SRPK2: variants seen among roughly 807,000 people sequenced by gnomAD.
SRPK2 encodes the protein SFRS protein kinase 2.
In SRPK2, 21 loss-of-function variants were observed where a neutral mutation model predicts 90.8. That is an observed-to-expected ratio of 0.23 (90% CI 0.16 to 0.33). The LOEUF is 0.33. SRPK2 is among the 10% of genes least tolerant of loss of function. The pLI is 1.00. For synonymous variants in SRPK2, 288 were observed against 311.1 expected (o/e 0.93, Z 0.78); for missense variants, 620 against 869.0 (o/e 0.71, Z 3.60).
At chr7:105,272,315 C>G (rs1238995744) in intron 2 of SRPK2, among the ~76,000 whole-genome samples, 1 of 152,200 alleles carries the variant, frequency 6.6e-6, no homozygotes, top group Non-Finnish European at 1.5e-5. Flanking sequence ...TACATCTCAG[C>G]CTTTAATCAA....
At position 105,128,165 on chromosome 7, in the gene SRPK2, C is replaced by T. The variant is rs4613927; in HGVS notation, c.1753-1103G>A. ...TCAGCCCAGGACCACATCTTTTCAC[C>T]TTTTTTAAAAAAAAAGACTGCCTGT... is the stretch of plus-strand genomic sequence containing the variant. On this transcript the variant is annotated intron_variant, in intron 13 of 15. Coordinates refer to ENST00000393651, the MANE Select transcript of SRPK2 (RefSeq NM_182692.3). Among the ~76,000 whole-genome samples, 96 of 152,122 alleles carry T rather than the reference C, an allele frequency of 6.3e-4. No individual in the cohort carries two copies. The Middle Eastern group carries it at 0.01, about 16-fold the overall frequency.
chr7:105,296,622 G>T (rs1809849808), intron 2 of SRPK2, among the ~76,000 whole-genome samples: 1 of 152,206 alleles, frequency 6.6e-6, no homozygotes, highest in Non-Finnish European at 1.5e-5. Flanking sequence ...GGCTTTACAA[G>T]AACTAAGGAA....
At position 105,365,660 on chromosome 7, in the gene SRPK2, G is replaced by A. The variant is rs144261393; in HGVS notation, c.71+22988C>T. ...AAAATGATTTAAAAATTAGCTGGGC[G>A]TGGTGGCGTGTACCTGCAGTCTCAG... is the stretch of plus-strand genomic sequence containing the variant. On this transcript the variant is annotated intron_variant, in intron 2 of 15. Coordinates refer to ENST00000393651, the MANE Select transcript of SRPK2 (RefSeq NM_182692.3). 1.7e-3 allele frequency among the ~76,000 whole-genome samples: 259 copies of A among 151,640 alleles called. 1 individual carries two copies. In the East Asian group the frequency reaches 0.019, roughly 11 times the overall value.
At position 105,180,554 on chromosome 7, in the gene SRPK2, G is replaced by A. The variant is rs141185336; in HGVS notation, c.230-11289C>T. 6.8e-3 allele frequency among the ~76,000 whole-genome samples: 1,029 copies of A among 152,244 alleles called. 14 individuals are homozygous for A. Among genetic ancestry groups the A allele is most frequent in the African/African-American group, 0.023 (966 of 41,550 alleles). On this transcript the variant is annotated intron_variant, in intron 3 of 15. Coordinates refer to ENST00000393651, the MANE Select transcript of SRPK2 (RefSeq NM_182692.3). ...GCAGATCACTTGAGGTTGGGAGTTC[G>A]AGACCAGTCTGGCCAACATGGTGAA...
intron 2 of SRPK2, among the ~76,000 whole-genome samples, chr7:105,376,380 G>A (rs549104114): frequency 3.3e-5 from 5 of 151,418 alleles, no homozygotes; most frequent in South Asian, 2.1e-4. Flanking sequence ...GTTGTAGTCC[G>A]TCTACCCTCA....
chr7:105,158,546 CCT>C (rs1806911260), intron 7 of SRPK2, among the ~76,000 whole-genome samples: 2 of 152,172 alleles, frequency 1.3e-5, no homozygotes, highest in Non-Finnish European at 2.9e-5. Context: ...AGCCACTGCG[CCT>C]GGCCAAATTC....
chr7:105,331,646 CAG>C (rs1388802471), intron 2 of SRPK2, among the ~76,000 whole-genome samples: 1 of 152,148 alleles, frequency 6.6e-6, no homozygotes. Flanking sequence ...CCTGATTTTT[CAG>C]AGTTTGAATA....
At chr7:105,254,523 T>C (rs192019154) in intron 2 of SRPK2, among the ~76,000 whole-genome samples, 90 of 152,346 alleles carry the variant, frequency 5.9e-4, no homozygotes, top group African/African-American at 2.1e-3. Context: ...GCAACCTTTA[T>C]AAATGATACT....
chr7:105,151,258 T>C (rs761563710), intron 7 of SRPK2, among the ~76,000 whole-genome samples: 5 of 152,222 alleles, frequency 3.3e-5, no homozygotes, highest in Non-Finnish European at 5.9e-5. Context: ...GTTAAAAACA[T>C]GACCTTGGAT....
At chr7:105,125,575 GA>G (rs1391295421) in intron 15 of SRPK2, among the ~76,000 whole-genome samples, 1 of 152,120 alleles carries the variant, frequency 6.6e-6, no homozygotes, top group Non-Finnish European at 1.5e-5. Flanking sequence ...AGCGGAGGAG[GA>G]AAAAATGCTG....
chr7:105,296,914 G>A (rs1809893507), intron 2 of SRPK2, among the ~76,000 whole-genome samples: 2 of 152,142 alleles, frequency 1.3e-5, no homozygotes, highest in Non-Finnish European at 2.9e-5. Flanking sequence ...GCTAGCAAAT[G>A]GTAAAGCTGG....
At chr7:105,145,180 T>C (rs1276068450) in intron 9 of SRPK2, 103 bp downstream of exon 9, 6 of 768,474 alleles carry the variant, frequency 7.8e-6, no homozygotes, top group Non-Finnish European at 1.2e-5. Flanking sequence ...TTTATAAATG[T>C]GTCTACCCTT....
At chr7:105,138,057 C>T (rs1443057322) in intron 11 of SRPK2, among the ~76,000 whole-genome samples, 1 of 152,184 alleles carries the variant, frequency 6.6e-6, no homozygotes, top group East Asian at 1.9e-4. Context: ...AAATGCTCTT[C>T]AAGACCTCCA....
intron 2 of SRPK2, among the ~76,000 whole-genome samples, chr7:105,302,484 T>G (rs967276106): frequency 6.6e-6 from 1 of 152,198 alleles, no homozygotes; most frequent in African/African-American, 2.4e-5. Flanking sequence ...TACTCCATAG[T>G]GCAATCCATA....
chr7:105,383,482 A>G (rs563000388), intron 2 of SRPK2, among the ~76,000 whole-genome samples: 132 of 151,392 alleles, frequency 8.7e-4, no homozygotes, highest in African/African-American at 3.2e-3. Flanking sequence ...GTGCAGCGGC[A>G]TGATCTCGGC....
intron 2 of SRPK2, among the ~76,000 whole-genome samples, chr7:105,284,591 A>G (rs775896899): frequency 7.2e-5 from 11 of 152,240 alleles, no homozygotes; most frequent in Non-Finnish European, 1.2e-4. Context: ...ATTAAACTTC[A>G]TGGAGCTATT....
intron 2 of SRPK2, among the ~76,000 whole-genome samples, chr7:105,385,022 G>A (rs1475202015): frequency 1.3e-5 from 2 of 150,386 alleles, no homozygotes; most frequent in African/African-American, 4.9e-5. Context: ...GACTACAGGC[G>A]CCCACACGCC....
intron 2 of SRPK2, among the ~76,000 whole-genome samples, chr7:105,266,639 T>C (rs1394063364): frequency 1.3e-5 from 2 of 152,094 alleles, no homozygotes; most frequent in Non-Finnish European, 2.9e-5. Context: ...CCTCAAACCA[T>C]TAACTTATTT....
At chr7:105,293,898 T>C (rs1304075375) in intron 2 of SRPK2, among the ~76,000 whole-genome samples, 2 of 152,312 alleles carry the variant, frequency 1.3e-5, no homozygotes, top group Non-Finnish European at 2.9e-5. Flanking sequence ...TCTTAGAAAT[T>C]CAAATTCCTG....
Sources: allele counts gnomAD v4.1 joint callset (sites outside exome capture counted in the v4.1 genomes callset), GRCh38; gene constraint gnomAD v4.1.1; transcripts MANE v1.5; gene names NCBI Gene and HGNC (gene_info 2026-07-23, HGNC 2026-07-21).